CFAP251: variants seen among roughly 807,000 people sequenced by gnomAD.
CFAP251 encodes the protein cilia and flagella associated protein 251.
A neutral mutation model predicts 126.7 loss-of-function variants in CFAP251; 93 were observed. The observed-to-expected ratio is 0.73, with a 90% CI of 0.62 to 0.87. The LOEUF is 0.87. Ranked by LOEUF, CFAP251 falls within the 40% of genes least tolerant of loss-of-function variation. The pLI is 0.00. For missense variants in CFAP251, 1,287 were observed against 1,389.2 expected (o/e 0.93, Z 1.17); for synonymous variants, 503 against 506.9 (o/e 0.99, Z 0.10).
chr12:121,979,816 TC>T (rs1882574477), intron 19 of CFAP251, among the ~76,000 whole-genome samples: 1 of 152,138 alleles, frequency 6.6e-6, no homozygotes, highest in African/African-American at 2.4e-5. Context: ...TCCACCTGCA[TC>T]AGCCTCTCAA....
intron 5 of CFAP251, among the ~76,000 whole-genome samples, chr12:121,938,353 G>A (rs1305688031): frequency 1.3e-5 from 2 of 151,548 alleles, no homozygotes; most frequent in East Asian, 2.0e-4. Context: ...ACAGGGTCTC[G>A]CTCTGTTGCC....
intron 19 of CFAP251, among the ~76,000 whole-genome samples, chr12:121,977,563 G>A (rs1882491125): frequency 6.6e-6 from 1 of 152,106 alleles, no homozygotes; most frequent in South Asian, 2.1e-4. Context: ...GGGAGGCTGA[G>A]GCAAGAGAAT....
intron 3 of CFAP251, among the ~76,000 whole-genome samples, chr12:121,929,738 C>T (rs188749751): frequency 6.6e-5 from 10 of 151,392 alleles, no homozygotes; most frequent in South Asian, 2.1e-4. Context: ...AGTGCAATGG[C>T]GTGATCTCAG....
chr12:121,936,447 A>G lies in CFAP251; in HGVS notation c.998+2091A>G, dbSNP rs529182387. On this transcript the variant is annotated intron_variant, in intron 5 of 21. Coordinates refer to ENST00000288912, the MANE Select transcript of CFAP251 (RefSeq NM_144668.6). Reference sequence around the variant, plus strand: ...GGGCGACAGAGCAAAACCCTGTCTCAAGGAAAAAAATATTTATTGGTCTGC... The same window carrying G: ...GGGCGACAGAGCAAAACCCTGTCTCGAGGAAAAAAATATTTATTGGTCTGC... Among the ~76,000 whole-genome samples the G allele has an allele frequency of 4.6e-5, 7 of 152,326 alleles. No homozygotes were observed. The East Asian group carries it at 9.6e-4, about 21-fold the overall frequency.
chr12:122,003,434 G>C (rs761645151), intron 21 of CFAP251, among the ~76,000 whole-genome samples: 1 of 152,092 alleles, frequency 6.6e-6, no homozygotes, highest in Non-Finnish European at 1.5e-5. Context: ...TAAGCTGGGC[G>C]TGGTGGCGTG....
chr12:121,919,648 T>C (rs1880075603), intron 1 of CFAP251, among the ~76,000 whole-genome samples: 1 of 152,074 alleles, frequency 6.6e-6, no homozygotes, highest in Non-Finnish European at 1.5e-5. Context: ...GTGGTGGAAA[T>C]GGGATTCAAT....
chr12:121,951,681 T>C (rs150036453), intron 9 of CFAP251, 151 bp downstream of exon 9: 179 of 526,594 alleles, frequency 3.4e-4, no homozygotes, highest in African/African-American at 2.8e-3. Flanking sequence ...CCTGTATACA[T>C]ATTGAATTGT....
chr12:121,932,595 ACT>A (rs1331779723), intron 4 of CFAP251: 1 of 152,324 alleles, frequency 6.6e-6, no homozygotes, highest in East Asian at 1.9e-4. Flanking sequence ...TTGGTGTCTG[ACT>A]TTCCACTCGT....
chr12:121,992,375 T>A (rs1418618922), intron 19 of CFAP251: 5 of 985,242 alleles, frequency 5.1e-6, no homozygotes, highest in Non-Finnish European at 4.8e-6. Flanking sequence ...TGATCAGTCA[T>A]ACGGGAAGAG....
At chr12:121,990,475 G>A (rs528799751) in intron 19 of CFAP251, among the ~76,000 whole-genome samples, 2 of 152,270 alleles carry the variant, frequency 1.3e-5, no homozygotes, top group South Asian at 4.1e-4. Context: ...TGGGCTCGGG[G>A]TGGGCACCTC....
intron 13 of CFAP251, 110 bp downstream of exon 13, chr12:121,959,204 A>G: frequency 8.7e-7 from 1 of 1,149,310 alleles, no homozygotes; most frequent in South Asian, 1.7e-5. Flanking sequence ...TGGGAGGCCG[A>G]GGTGGGAGGA....
At position 121,934,376 on chromosome 12, in the gene CFAP251, T is replaced by C; in HGVS notation, c.998+20T>C. ...CACAGGGTAGGCTTTGTGTAGCCAC[T>C]TCTTTTTTCCCTGAATTTCTGTAGA... is the stretch of plus-strand genomic sequence containing the variant. On this transcript the variant is annotated intron_variant, in intron 5 of 21. Transcript: ENST00000288912. 6.3e-7 allele frequency: 1 copy of C among 1,579,086 alleles called. No homozygotes were observed. Among genetic ancestry groups the C allele is most frequent in the South Asian group, 1.1e-5 (1 of 89,886 alleles).
chr12:121,919,888 T>G (rs1880085611), intron 1 of CFAP251, among the ~76,000 whole-genome samples: 1 of 152,164 alleles, frequency 6.6e-6, no homozygotes, highest in Non-Finnish European at 1.5e-5. Context: ...TACATATACT[T>G]TAAGATTTCC....
chr12:121,959,302 CT>C, intron 13 of CFAP251: 1 of 492,682 alleles, frequency 2.0e-6, no homozygotes, highest in Non-Finnish European at 3.5e-6. Flanking sequence ...TTAGCCAGGC[CT>C]TGTGGCACAC....
chr12:121,931,641 A>C lies in CFAP251; in HGVS notation c.748-105A>C. ...GACTTTCTTAAAGTGGTTCCTCTTC[A>C]CTGAACTGTTGATGTGAAATCCTTC... On this transcript the variant is annotated intron_variant, in intron 3 of 21. Coordinates refer to ENST00000288912, the MANE Select transcript of CFAP251 (RefSeq NM_144668.6). 2.5e-6 allele frequency: 3 copies of C among 1,178,408 alleles called. No homozygotes were observed. The South Asian group carries it at 7.5e-5, about 30-fold the overall frequency. 73.0% of individuals were successfully genotyped at this position (1,178,408 alleles called of 1,614,324 possible).
intron 17 of CFAP251, chr12:121,969,165 C>G (rs1882251222): frequency 4.1e-6 from 4 of 985,324 alleles, no homozygotes; most frequent in Middle Eastern, 5.2e-4. Flanking sequence ...GTACCCCCTG[C>G]CATCTGCCAA....
intron 10 of CFAP251, chr12:121,955,666 C>G (rs771474194): frequency 1.3e-5 from 2 of 152,318 alleles, no homozygotes; most frequent in Admixed American, 1.3e-4. Context: ...TCAAAATGCC[C>G]ATTTGCTTCC....
At chr12:122,001,635 G>A in intron 21 of CFAP251, 37 bp downstream of exon 21, 1 of 1,537,296 alleles carries the variant, frequency 6.5e-7, no homozygotes, top group Non-Finnish European at 9.0e-7. Context: ...TGTAGCTGTG[G>A]CTCACTGATT....
chr12:121,964,885 A>C (rs1239462394), intron 15 of CFAP251, among the ~76,000 whole-genome samples: 1 of 152,206 alleles, frequency 6.6e-6, no homozygotes, highest in Non-Finnish European at 1.5e-5. Context: ...CCTGGGCGAC[A>C]GAGCTAGACT....
Sources: allele counts gnomAD v4.1 joint callset (sites outside exome capture counted in the v4.1 genomes callset), GRCh38; gene constraint gnomAD v4.1.1; transcripts MANE v1.5; gene names NCBI Gene and HGNC (gene_info 2026-07-23, HGNC 2026-07-21).